ZNF658: variants seen among roughly 807,000 people sequenced by gnomAD.
The protein encoded by ZNF658 is zinc finger protein 658.
A neutral mutation model predicts 78.0 loss-of-function variants in ZNF658; 46 were observed. The observed-to-expected ratio is 0.59, with a 90% CI of 0.47 to 0.75. The LOEUF (loss-of-function observed/expected upper bound fraction) is 0.75, where lower values mean the gene tolerates loss of function less well. Among genes scored for constraint, ZNF658 ranks in the 30% least tolerant of loss-of-function variants. The pLI, the probability that ZNF658 is intolerant of heterozygous loss-of-function variation, is 0.00. For synonymous variants in ZNF658, 279 were observed against 408.4 expected, an observed-to-expected ratio of 0.68 and a Z score of 3.82; for missense variants, 785 against 1,189.3, an observed-to-expected ratio of 0.66 and a Z score of 5.00.
At chr9:66,921,887 G>C (rs1326343046), downstream of ZNF658, among the ~76,000 whole-genome samples, 1 of 149,754 alleles carries the variant, frequency 6.7e-6, no homozygotes, top group African/African-American at 2.5e-5. Context: ...CTGTCGGACA[G>C]GGACATTTAA....
chr9:66,917,694 C>G, intron 4 of ZNF658, 111 bp from the exon 5 acceptor site: 3 of 1,001,482 alleles, frequency 3.0e-6, no homozygotes, highest in Non-Finnish European at 4.2e-6. Context: ...GCCTGGGTGA[C>G]AGAGCAATAC....
chr9:66,919,920 T>A lies in ZNF658; in HGVS notation c.2354T>A (p.Leu785His). The A allele has an allele frequency of 6.2e-7, 1 of 1,602,826 alleles. No individual in the cohort carries two copies. Among genetic ancestry groups the A allele is most frequent in the Non-Finnish European group, 8.5e-7 (1 of 1,174,216 alleles). Residue 785 changes from leucine (L) to histidine (H), a missense_variant, in exon 5 of 5, where the codon CTC becomes CAC. Coordinates refer to ENST00000621410, the MANE Select transcript of ZNF658 (RefSeq NM_033160.7). ...AAAACTTTCTCCCAGAAATCATACC[T>A]CAGTGGACATGAGAGAATTCACACA... ...CGKTFSQKSYLSGHERIHTGE... is the reference protein window; with the variant it reads ...CGKTFSQKSYHSGHERIHTGE...
downstream of ZNF658, among the ~76,000 whole-genome samples, chr9:66,922,272 G>A (rs562293149): frequency 2.1e-3 from 318 of 151,834 alleles, 1 homozygote; most frequent in African/African-American, 7.5e-3. Flanking sequence ...GGCTAGGAAA[G>A]GGAATTCCCT....
chr9:66,925,259 AT>A (rs1423203952), downstream of ZNF658, among the ~76,000 whole-genome samples: 1 of 150,250 alleles, frequency 6.7e-6, no homozygotes, highest in Non-Finnish European at 1.5e-5. Flanking sequence ...AAAAAATGCA[AT>A]TTTAGCAAAT....
At chr9:66,931,855 G>T (rs989939137) in intron 6 of ZNF658, among the ~76,000 whole-genome samples, 19 of 148,992 alleles carry the variant, frequency 1.3e-4, no homozygotes, top group Non-Finnish European at 4.4e-5. Flanking sequence ...CAGTCACATT[G>T]GCATTGGGGA....
downstream of ZNF658, among the ~76,000 whole-genome samples, chr9:66,925,832 G>A (rs1293176144): frequency 5.3e-5 from 8 of 150,596 alleles, no homozygotes; most frequent in Admixed American, 2.0e-4. Flanking sequence ...TAGATGCAAG[G>A]ATCCTCAACA....
chr9:66,909,624 C>G (rs1163850019), intron 4 of ZNF658, among the ~76,000 whole-genome samples: 1 of 151,980 alleles, frequency 6.6e-6, no homozygotes, highest in Non-Finnish European at 1.5e-5. Context: ...GTGTCTTTAT[C>G]TGTTTGAGGA....
rs1822478965 is a variant in ZNF658, at chr9:66,920,186, A to C, written c.2620A>C (p.Arg874=). ...TAATTCAGCCCTCAGGGCACATCAC[A>C]GAATTCACACAGGGGAGAAACCCTA... ...ADNSALRAHH[R]IHTGEKPYEC... Residue 874 remains arginine, a synonymous_variant, in exon 5 of 5, where the codon AGA becomes CGA. Transcript: ENST00000621410. 6 of 1,611,712 alleles carry C rather than the reference A, an allele frequency of 3.7e-6. No individual in the cohort carries two copies. The highest frequency in any genetic ancestry group is 1.1e-5 in the South Asian group (1 of 90,958).
In ZNF658 at chr9:66,920,354, A is replaced by G. The variant is rs768525781; in HGVS notation, c.2788A>G (p.Arg930Gly). Residue 930 changes from arginine (R) to glycine (G), a missense_variant, in exon 5 of 5, where the codon AGA becomes GGA. Coordinates refer to ENST00000621410, the MANE Select transcript of ZNF658 (RefSeq NM_033160.7). Reference protein sequence around the residue: ...SEKSYVSAHQRVHTGEKPYEC... With the variant: ...SEKSYVSAHQGVHTGEKPYEC... The stretch of plus-strand genomic sequence containing the variant: ...GAAGTCATATGTTAGTGCACATCAG[A>G]GAGTTCATACGGGGGAGAAACCCTA... 1.5e-5 allele frequency: 25 copies of G among 1,613,776 alleles called. 1 individual carries two copies. The highest frequency in any genetic ancestry group is 2.1e-5 in the Non-Finnish European group (25 of 1,179,954).
chr9:66,902,075 C>T (rs1313625998), intron 1 of ZNF658, among the ~76,000 whole-genome samples: 6 of 151,930 alleles, frequency 3.9e-5, no homozygotes, highest in African/African-American at 1.2e-4. Flanking sequence ...GGCCAAACTT[C>T]AGGTGTTCAA....
chr9:66,906,290 G>A (rs1001211484), intron 2 of ZNF658, among the ~76,000 whole-genome samples: 8 of 150,954 alleles, frequency 5.3e-5, no homozygotes, highest in East Asian at 3.9e-4. Context: ...ACAGTTTAGG[G>A]CCTTCTCACA....
intron 4 of ZNF658, among the ~76,000 whole-genome samples, chr9:66,913,411 G>A (rs1307226231): frequency 2.7e-5 from 4 of 148,190 alleles, no homozygotes; most frequent in African/African-American, 1.0e-4. Context: ...GGTGACGAGA[G>A]AAACTGTCTC....
chr9:66,931,837 T>C lies in ZNF658; in HGVS notation c.*55-188T>C, dbSNP rs1310866818. Among the ~76,000 whole-genome samples, 16 of 146,586 alleles carry C rather than the reference T, an allele frequency of 1.1e-4. No homozygotes were observed. In the Admixed American group the frequency reaches 1.1e-3, roughly 10 times the overall value. ...CAAGCAACATATCTGTGACATAGTCTATTGAAGCAGTCACATTGGCATTGG... is the reference window on the plus strand; with the variant it reads ...CAAGCAACATATCTGTGACATAGTCCATTGAAGCAGTCACATTGGCATTGG... On this transcript the variant is annotated intron_variant and NMD_transcript_variant, in intron 6 of 6. Transcript: ENST00000622180.
At chr9:66,904,545 A>G (rs1451903015) in intron 2 of ZNF658, among the ~76,000 whole-genome samples, 1 of 152,026 alleles carries the variant, frequency 6.6e-6, no homozygotes, top group Non-Finnish European at 1.5e-5. Flanking sequence ...TTGAGATTCA[A>G]TTCATGTATC....
At chr9:66,907,339 G>A (rs975786262) in intron 2 of ZNF658, among the ~76,000 whole-genome samples, 7 of 151,760 alleles carry the variant, frequency 4.6e-5, no homozygotes, top group Admixed American at 6.6e-5. Context: ...CTTCTAACAC[G>A]TTTTCTTCTT....
At chr9:66,928,922 A>T (rs1587373916) in intron 6 of ZNF658, among the ~76,000 whole-genome samples, 1 of 145,886 alleles carries the variant, frequency 6.9e-6, no homozygotes, top group Admixed American at 7.0e-5. Context: ...AAATACTATC[A>T]CACTGTACAC....
chr9:66,905,641 G>A lies in ZNF658; in HGVS notation c.15+2065G>A, dbSNP rs903142338. Among the ~76,000 whole-genome samples, 41 of 135,848 alleles carry A rather than the reference G, an allele frequency of 3.0e-4. 1 individual carries two copies. Among genetic ancestry groups the A allele is most frequent in the African/African-American group, 7.1e-4 (24 of 33,826 alleles). The allele number at this position is 135,848 out of a possible 152,430, so 89.1% of individuals were successfully genotyped here. A position where few individuals can be genotyped will look rare whatever the true frequency, so the allele number is the denominator to read the frequency against. On this transcript the variant is annotated intron_variant, in intron 2 of 4. Coordinates refer to ENST00000621410, the MANE Select transcript of ZNF658 (RefSeq NM_033160.7). ...GTTGTCCAGTTGCTTCATTCTACCC[G>A]TTCAGACCTGCTGTTGAACAGGTGT...
chr9:66,915,286 A>G (rs1352347504), intron 4 of ZNF658, among the ~76,000 whole-genome samples: 1 of 152,106 alleles, frequency 6.6e-6, no homozygotes, highest in Admixed American at 6.6e-5. Flanking sequence ...TTATTCTGCC[A>G]TTATGTTTTA....
In ZNF658 at chr9:66,920,200, G is replaced by GTTC. The variant is rs1822479673; in HGVS notation, c.2634_2635insTTC (p.Gly878_Glu879insPhe). On this transcript the variant is annotated inframe_insertion, in exon 5 of 5. Transcript: ENST00000621410. ...GGGCACATCACAGAATTCACACAGG[G>GTTC]GAGAAACCCTATGAATGTAATGACT... 6.2e-7 allele frequency: 1 copy of GTTC among 1,611,618 alleles called. No homozygotes were observed. The highest frequency in any genetic ancestry group is 1.7e-5 in the Admixed American group (1 of 59,828).
Sources: gnomAD v4.1 joint callset for allele counts (sites outside exome capture counted in the v4.1 genomes callset) on GRCh38, gnomAD v4.1.1 for gene constraint, MANE v1.5 for transcripts, NCBI Gene and HGNC (gene_info 2026-07-23, HGNC 2026-07-21) for gene names.